GABRB1: variants seen among roughly 807,000 people sequenced by gnomAD.
GABRB1 encodes gamma-aminobutyric acid type A receptor subunit beta1, also known as gamma-aminobutyric acid receptor subunit beta-1.
A neutral mutation model predicts 51.6 loss-of-function variants in GABRB1; 17 were observed. That is an observed-to-expected ratio of 0.33 (90% CI 0.23 to 0.49). GABRB1 has a LOEUF of 0.49. Ranked by LOEUF, GABRB1 falls within the 20% of genes least tolerant of loss-of-function variation. The pLI is 0.99. For missense variants in GABRB1, 410 were observed against 600.6 expected (o/e 0.68, Z 3.32); for synonymous variants, 247 against 218.9 (o/e 1.13, Z -1.14).
chr4:47,299,153 T>C (rs373776060), intron 4 of GABRB1, among the ~76,000 whole-genome samples: 10 of 152,152 alleles, frequency 6.6e-5, no homozygotes, highest in South Asian at 2.1e-4. Flanking sequence ...AAAACCTAGG[T>C]ATTACCATTC....
At chr4:47,262,130 T>A (rs1179162760) in intron 4 of GABRB1, among the ~76,000 whole-genome samples, 1 of 151,438 alleles carries the variant, frequency 6.6e-6, no homozygotes, top group East Asian at 1.9e-4. Flanking sequence ...GACATAGGCA[T>A]GGGCAAGGAC....
At chr4:47,191,373 AC>A (rs2109783787) in intron 4 of GABRB1, among the ~76,000 whole-genome samples, 1 of 152,238 alleles carries the variant, frequency 6.6e-6, no homozygotes, top group South Asian at 2.1e-4. Flanking sequence ...TGACCATCTT[AC>A]CTAAGATAGA....
At chr4:47,254,696 A>G (rs532516365) in intron 4 of GABRB1, among the ~76,000 whole-genome samples, 2 of 152,206 alleles carry the variant, frequency 1.3e-5, no homozygotes, top group South Asian at 2.1e-4. Flanking sequence ...TTCAACTCCC[A>G]TAAAATAGGC....
At chr4:47,088,920 C>A (rs1489426981) in intron 3 of GABRB1, among the ~76,000 whole-genome samples, 1 of 152,190 alleles carries the variant, frequency 6.6e-6, no homozygotes, top group Non-Finnish European at 1.5e-5. Flanking sequence ...TCATTGCTAA[C>A]CTTTCCTGGA....
chr4:47,382,936 T>C (rs777695962), intron 5 of GABRB1, among the ~76,000 whole-genome samples: 16 of 152,352 alleles, frequency 1.1e-4, no homozygotes, highest in Non-Finnish European at 2.1e-4. Flanking sequence ...TTTTCCTTCA[T>C]GCCCAGACAC....
In GABRB1 at chr4:47,205,479, G is replaced by A. The variant is rs557429176; in HGVS notation, c.461+44010G>A. 6.6e-5 allele frequency among the ~76,000 whole-genome samples: 10 copies of A among 152,162 alleles called. No individual in the cohort carries two copies. The South Asian group carries it at 2.1e-3, about 32-fold the overall frequency. The stretch of plus-strand genomic sequence containing the variant: ...GTCCTTCAAATTAATTTTGTCCAAA[G>A]CAAACACTTGAATATATTTTGATTT... On this transcript the variant is annotated intron_variant, in intron 4 of 8. Transcript: ENST00000295454.
chr4:47,188,590 T>C (rs1200407646), intron 4 of GABRB1, among the ~76,000 whole-genome samples: 1 of 152,006 alleles, frequency 6.6e-6, no homozygotes, highest in Non-Finnish European at 1.5e-5. Flanking sequence ...TCCGATGTAC[T>C]TTAGAATAAA....
intron 4 of GABRB1, among the ~76,000 whole-genome samples, chr4:47,312,062 TGTGTGTGTGC>T (rs932941413): frequency 7.9e-5 from 9 of 113,476 alleles, no homozygotes; most frequent in African/African-American, 9.5e-5. Flanking sequence ...TGTGTGTGTG[TGTGTGTGTGC>T]GCGTGCATAC....
intron 3 of GABRB1, among the ~76,000 whole-genome samples, chr4:47,113,523 TAAGTC>T (rs1428089599): frequency 6.7e-6 from 1 of 148,536 alleles, no homozygotes; most frequent in Admixed American, 6.7e-5. Flanking sequence ...AAGGAAAAAA[TAAGTC>T]AATATAAAAT....
chr4:47,221,637 AC>A (rs1720767533), intron 4 of GABRB1, among the ~76,000 whole-genome samples: 1 of 151,904 alleles, frequency 6.6e-6, no homozygotes, highest in African/African-American at 2.4e-5. Context: ...TGCCACAACC[AC>A]TGAATTAGCA....
intron 1 of GABRB1, among the ~76,000 whole-genome samples, chr4:47,013,950 T>C (rs1234472419): frequency 6.6e-6 from 1 of 152,156 alleles, no homozygotes; most frequent in Non-Finnish European, 1.5e-5. Context: ...TTGTGTTTTT[T>C]CTGTCTTGTC....
At chr4:47,412,391 T>A (rs1728786963) in intron 8 of GABRB1, among the ~76,000 whole-genome samples, 1 of 152,182 alleles carries the variant, frequency 6.6e-6, no homozygotes, top group Non-Finnish European at 1.5e-5. Context: ...AACTCGTACA[T>A]ATTCATAATA....
At chr4:47,156,370 T>C (rs981225799) in intron 3 of GABRB1, among the ~76,000 whole-genome samples, 2 of 152,044 alleles carry the variant, frequency 1.3e-5, no homozygotes, top group East Asian at 1.9e-4. Context: ...CTTACCACTA[T>C]TGACATTTTG....
chr4:47,220,804 C>T lies in GABRB1; in HGVS notation c.461+59335C>T, dbSNP rs896000088. Reference sequence around the variant, plus strand: ...CCCCCCTTTCATCTATTATCTTGCTCTCATAATGTGTTAACTCCTCTCCCA... The same window carrying T: ...CCCCCCTTTCATCTATTATCTTGCTTTCATAATGTGTTAACTCCTCTCCCA... On this transcript the variant is annotated intron_variant, in intron 4 of 8. Coordinates refer to ENST00000295454, the MANE Select transcript of GABRB1 (RefSeq NM_000812.4). 5.9e-5 allele frequency among the ~76,000 whole-genome samples: 9 copies of T among 151,936 alleles called. No homozygotes were observed. The East Asian group carries it at 1.7e-3, about 29-fold the overall frequency.
intron 4 of GABRB1, among the ~76,000 whole-genome samples, chr4:47,275,302 G>A (rs1723033376): frequency 6.6e-6 from 1 of 152,216 alleles, no homozygotes; most frequent in African/African-American, 2.4e-5. Context: ...TTCATTCTGG[G>A]GGCAGGGAGG....
At chr4:47,247,556 G>A (rs1240189056) in intron 4 of GABRB1, among the ~76,000 whole-genome samples, 2 of 152,040 alleles carry the variant, frequency 1.3e-5, no homozygotes, top group African/African-American at 2.4e-5. Flanking sequence ...ATTCTATGAA[G>A]AATGATGGTG....
intron 5 of GABRB1, among the ~76,000 whole-genome samples, chr4:47,366,273 T>G (rs1726979497): frequency 6.6e-6 from 1 of 152,178 alleles, no homozygotes; most frequent in African/African-American, 2.4e-5. Context: ...TGAGTCTCCA[T>G]AAGCTAATCT....
chr4:47,405,742 TA>T (rs1728546826), intron 7 of GABRB1, among the ~76,000 whole-genome samples: 2 of 152,038 alleles, frequency 1.3e-5, no homozygotes, highest in African/African-American at 4.8e-5. Flanking sequence ...AAATGTATAA[TA>T]TTAGTATTGC....
chr4:47,377,560 T>G (rs1727432330), intron 5 of GABRB1, among the ~76,000 whole-genome samples: 1 of 151,962 alleles, frequency 6.6e-6, no homozygotes. Context: ...AGAACAAAGC[T>G]TCCATAGTCT....
Sources: gnomAD v4.1 joint callset for allele counts (sites outside exome capture counted in the v4.1 genomes callset) on GRCh38, gnomAD v4.1.1 for gene constraint, MANE v1.5 for transcripts, NCBI Gene and HGNC (gene_info 2026-07-23, HGNC 2026-07-21) for gene names.